MSI2: variants seen among roughly 807,000 people sequenced by gnomAD.
MSI2 encodes RNA-binding protein Musashi homolog 2.
In MSI2, 17 loss-of-function variants were observed where a neutral mutation model predicts 45.6. The ratio of observed to expected loss-of-function variants is 0.37; its 90% confidence interval spans 0.26 to 0.56. The LOEUF (loss-of-function observed/expected upper bound fraction) is 0.56, where lower values mean the gene tolerates loss of function less well. MSI2 is among the 20% of genes least tolerant of loss of function. The probability of loss-of-function intolerance (pLI) is 0.77; values close to 1 mark genes in which losing one functional copy is unlikely to be tolerated. For missense variants in MSI2, 293 were observed against 444.2 expected, an observed-to-expected ratio of 0.66 and a Z score of 3.06; for synonymous variants, 156 against 158.2, an observed-to-expected ratio of 0.99 and a Z score of 0.11.
intron 7 of MSI2, among the ~76,000 whole-genome samples, chr17:57,556,136 G>GT (rs1452657428): frequency 1.3e-5 from 2 of 152,176 alleles, no homozygotes; most frequent in Non-Finnish European, 2.9e-5. Context: ...AACATTTAAT[G>GT]TTTTTTTCTC....
chr17:57,355,279 C>G (rs969148379), intron 5 of MSI2, among the ~76,000 whole-genome samples: 23 of 152,144 alleles, frequency 1.5e-4, no homozygotes, highest in African/African-American at 5.6e-4. Flanking sequence ...TTGGCAGCTC[C>G]CATGGAAATA....
the MSI2 span, among the ~76,000 whole-genome samples, chr17:57,689,951 T>A: frequency 6.6e-6 from 1 of 152,208 alleles, no homozygotes. Flanking sequence ...ACTATAAACA[T>A]TCATGGACAG....
intron 5 of MSI2, chr17:57,364,860 G>C (rs1219554477): frequency 6.6e-6 from 1 of 152,044 alleles, no homozygotes; most frequent in Non-Finnish European, 1.5e-5. Flanking sequence ...TAACCCGGAT[G>C]TGTTGCTCAG....
chr17:57,477,145 G>GGT (rs59127306), intron 6 of MSI2, among the ~76,000 whole-genome samples: 4,938 of 118,510 alleles, frequency 0.042, 156 homozygotes, highest in African/African-American at 0.045. Flanking sequence ...CATAAGGCCT[G>GGT]GTGTGTGTGT....
At chr17:57,645,191 T>A (rs1910562660) in intron 10 of MSI2, among the ~76,000 whole-genome samples, 1 of 152,160 alleles carries the variant, frequency 6.6e-6, no homozygotes, top group Non-Finnish European at 1.5e-5. Flanking sequence ...CCCGATTCTG[T>A]GGGCAGGGTT....
intron 6 of MSI2, among the ~76,000 whole-genome samples, chr17:57,471,672 G>A (rs1304136535): frequency 6.6e-6 from 1 of 152,124 alleles, no homozygotes; most frequent in Non-Finnish European, 1.5e-5. Flanking sequence ...AGCTGAAGGC[G>A]TGCAGCTGCA....
intron 5 of MSI2, among the ~76,000 whole-genome samples, chr17:57,312,084 A>G (rs1912447288): frequency 6.6e-6 from 1 of 152,220 alleles, no homozygotes; most frequent in Admixed American, 6.5e-5. Context: ...CAGGTCGGAG[A>G]CAGAGCACAG....
chr17:57,508,612 G>A lies in MSI2; in HGVS notation c.406-21064G>A, dbSNP rs117151367. On this transcript the variant is annotated intron_variant, in intron 6 of 13. Transcript: ENST00000284073. ...ATGGGACATAAGCCCCTCTTTGGAA[G>A]GCCTCTTCCAAAGCCTATAGTTTGC... 4.5e-3 allele frequency among the ~76,000 whole-genome samples: 679 copies of A among 152,292 alleles called. 5 individuals are homozygous for A. Among genetic ancestry groups the A allele is most frequent in the Admixed American group, 0.013 (205 of 15,296 alleles).
chr17:57,670,376 TC>T (rs1912691157), intron 11 of MSI2, among the ~76,000 whole-genome samples: 1 of 152,198 alleles, frequency 6.6e-6, no homozygotes, highest in Non-Finnish European at 1.5e-5. Flanking sequence ...CAGGCATCTC[TC>T]CCGTCTTGCT....
chr17:57,634,465 C>CAA (rs11419943), intron 10 of MSI2, among the ~76,000 whole-genome samples: 14 of 145,460 alleles, frequency 9.6e-5, no homozygotes, highest in Admixed American at 2.7e-4. Flanking sequence ...GACTCTGTCT[C>CAA]AAAAAAAAAA....
At chr17:57,475,857 A>G (rs544814556) in intron 6 of MSI2, among the ~76,000 whole-genome samples, 76 of 152,242 alleles carry the variant, frequency 5.0e-4, no homozygotes, top group Middle Eastern at 6.8e-3. Context: ...TCTCCTTTAA[A>G]AACTCCAAGA....
intron 11 of MSI2, among the ~76,000 whole-genome samples, chr17:57,660,731 G>T (rs151169432): frequency 6.6e-6 from 1 of 152,198 alleles, no homozygotes; most frequent in Non-Finnish European, 1.5e-5. Flanking sequence ...CCAGGGGGCC[G>T]GGGAACATCA....
the MSI2 span, among the ~76,000 whole-genome samples, chr17:57,697,239 G>A: frequency 3.3e-5 from 5 of 150,738 alleles, no homozygotes; most frequent in Admixed American, 3.3e-4. Context: ...ACACTCCCCT[G>A]TGCCCTCACA....
rs1479459834 is a variant in MSI2 at position 57,625,004 on chromosome 17, G to A, written c.653-2225G>A. 6.6e-5 allele frequency among the ~76,000 whole-genome samples: 10 copies of A among 152,260 alleles called. No homozygotes were observed. In the East Asian group the frequency reaches 7.7e-4, roughly 12 times the overall value. On this transcript the variant is annotated intron_variant, in intron 9 of 13. Transcript: ENST00000284073. ...CTGATTCTGTGTCTGGTGAGGGCCC[G>A]CTTCCTCATAGATGGCCCCTTCTAA...
chr17:57,348,061 C>T (rs979165540), intron 5 of MSI2, among the ~76,000 whole-genome samples: 5 of 152,230 alleles, frequency 3.3e-5, no homozygotes, highest in African/African-American at 1.2e-4. Flanking sequence ...TGGATGCACA[C>T]ATCGCATTAG....
At chr17:57,697,993 C>T in the MSI2 span, among the ~76,000 whole-genome samples, 587 of 152,324 alleles carry the variant, frequency 3.9e-3, no homozygotes, top group African/African-American at 0.013. Context: ...GCCTCCCACA[C>T]TCACGGCTGT....
chr17:57,650,501 C>T (rs1265330133), intron 10 of MSI2, among the ~76,000 whole-genome samples: 2 of 152,262 alleles, frequency 1.3e-5, no homozygotes, highest in East Asian at 3.9e-4. Flanking sequence ...GGGTCCCTCC[C>T]TTGGTCTCCC....
intron 7 of MSI2, among the ~76,000 whole-genome samples, chr17:57,551,873 A>G (rs2087314818): frequency 1.3e-5 from 2 of 152,174 alleles, no homozygotes; most frequent in Non-Finnish European, 2.9e-5. Flanking sequence ...CCGCTCCTGT[A>G]GAAAGAGAAG....
intron 11 of MSI2, among the ~76,000 whole-genome samples, chr17:57,658,871 G>A (rs369541935): frequency 4.4e-4 from 67 of 152,176 alleles, no homozygotes; most frequent in African/African-American, 1.4e-3. Flanking sequence ...CCATAAGGGC[G>A]CGCAGAGCAC....
Sources: gnomAD v4.1 joint callset for allele counts (sites outside exome capture counted in the v4.1 genomes callset) on GRCh38, gnomAD v4.1.1 for gene constraint, MANE v1.5 for transcripts, NCBI Gene and HGNC (gene_info 2026-07-23, HGNC 2026-07-21) for gene names.